MLLT1: variants seen among roughly 807,000 people sequenced by gnomAD.
MLLT1 encodes the protein protein ENL.
MLLT1 carries 11 observed loss-of-function variants against 55.1 expected under a neutral mutation model. The observed-to-expected ratio is 0.20, with a 90% CI of 0.13 to 0.33. MLLT1 has a LOEUF of 0.33. MLLT1 is among the 10% of genes least tolerant of loss of function. The pLI is 1.00. For missense variants in MLLT1, 536 were observed against 760.6 expected (o/e 0.70, Z 3.47); for synonymous variants, 323 against 320.1 (o/e 1.01, Z -0.10).
At chr19:6,215,121 G>C (rs1399005982) in intron 8 of MLLT1, among the ~76,000 whole-genome samples, 4 of 152,226 alleles carry the variant, frequency 2.6e-5, no homozygotes, top group Non-Finnish European at 5.9e-5. Context: ...CAGCAGACCA[G>C]GGTGTGCAGA....
chr19:6,241,612 G>A (rs118069413), intron 3 of MLLT1, among the ~76,000 whole-genome samples: 4,946 of 152,344 alleles, frequency 0.032, 115 homozygotes, highest in Non-Finnish European at 0.047. Flanking sequence ...TGGGGTGGCC[G>A]TGGCGGGCGC....
chr19:6,247,178 C>T (rs764836384), intron 3 of MLLT1, among the ~76,000 whole-genome samples: 46 of 152,058 alleles, frequency 3.0e-4, no homozygotes, highest in Non-Finnish European at 5.9e-4. Context: ...CAGAACTAAA[C>T]ACAGATGTAA....
intron 3 of MLLT1, among the ~76,000 whole-genome samples, chr19:6,246,382 C>T (rs2091168811): frequency 1.3e-5 from 2 of 152,230 alleles, no homozygotes; most frequent in Admixed American, 6.5e-5. Flanking sequence ...GGAAACAACA[C>T]AGACGTCCTT....
rs1467624335 is a variant in MLLT1 at position 6,212,487 on chromosome 19, T to A, written c.*555A>T. The A allele has an allele frequency of 9.4e-7, 1 of 1,066,542 alleles. No homozygotes were observed. Among genetic ancestry groups the A allele is most frequent in the South Asian group, 4.5e-5 (1 of 22,044 alleles). The allele number at this position is 1,066,542 out of a possible 1,614,324, so 66.1% of individuals were successfully genotyped here. ...CTCTTGACCAGACAGTGCACACACA[T>A]ATATAATAGAGAGAACTATACAGCA... On this transcript the variant is annotated 3_prime_UTR_variant, in exon 12 of 12. Coordinates refer to ENST00000252674, the MANE Select transcript of MLLT1 (RefSeq NM_005934.4).
At chr19:6,242,304 C>T (rs1266113148) in intron 3 of MLLT1, among the ~76,000 whole-genome samples, 1 of 152,170 alleles carries the variant, frequency 6.6e-6, no homozygotes, top group East Asian at 1.9e-4. Context: ...CTGCCTAGGG[C>T]CCCCCAACAC....
At chr19:6,234,641 C>A (rs1265548225) in intron 3 of MLLT1, among the ~76,000 whole-genome samples, 2 of 152,150 alleles carry the variant, frequency 1.3e-5, no homozygotes, top group African/African-American at 4.8e-5. Context: ...AGAGACCAAG[C>A]CTCCAGATTC....
At chr19:6,278,235 AGAG>A (rs1056140640) in intron 1 of MLLT1, among the ~76,000 whole-genome samples, 1 of 152,198 alleles carries the variant, frequency 6.6e-6, no homozygotes, top group Non-Finnish European at 1.5e-5. Context: ...CCAGGGCAGC[AGAG>A]GAGGAGGAAG....
rs75975430 is a variant in MLLT1 at position 6,240,238 on chromosome 19, A to G, written c.277-9525T>C. 0.066 allele frequency among the ~76,000 whole-genome samples: 10,019 copies of G among 152,250 alleles called. 573 individuals are homozygous for G. Among genetic ancestry groups the G allele is most frequent in the East Asian group, 0.15 (768 of 5,176 alleles). On this transcript the variant is annotated intron_variant, in intron 3 of 11. Transcript: ENST00000252674. The surrounding 1 kb of genome is among the most constrained non-coding windows in gnomAD (Gnocchi z 4.7). Reference sequence around the variant, plus strand: ...CCAGAGGCCCCGCCCCCTCCCACACATGTGCTCAGGGCCTGCAGCCCCATG... The same window carrying G: ...CCAGAGGCCCCGCCCCCTCCCACACGTGTGCTCAGGGCCTGCAGCCCCATG...
intron 3 of MLLT1, among the ~76,000 whole-genome samples, chr19:6,254,481 G>A (rs955476437): frequency 5.9e-5 from 9 of 152,224 alleles, no homozygotes; most frequent in Non-Finnish European, 1.2e-4. Context: ...TCTGGGACTC[G>A]CGACTGGCAT....
At position 6,270,570 on chromosome 19, in the gene MLLT1, G is replaced by A. The variant is rs769218164; in HGVS notation, c.193+9C>T. 3.7e-6 allele frequency: 6 copies of A among 1,605,798 alleles called. No individual in the cohort carries two copies. Among genetic ancestry groups the A allele is most frequent in the Non-Finnish European group, 5.1e-6 (6 of 1,175,916 alleles). ...GTGCTGTGGGCACTCAGGGCTTGAG[G>A]CCACTCACCGCGTCTGGGCTTGGGG... On this transcript the variant is annotated intron_variant, in intron 2 of 11. Transcript: ENST00000252674. The surrounding 1 kb of genome is among the most constrained non-coding windows in gnomAD (Gnocchi z 7.1).
In MLLT1 at chr19:6,211,458, G is replaced by T; in HGVS notation, c.*1584C>A. The stretch of plus-strand genomic sequence containing the variant: ...GAGGCATGGGTCCCCACCAAGGAGT[G>T]TTCAGGATCTGCTGACAGAATCAGA... On this transcript the variant is annotated 3_prime_UTR_variant, in exon 12 of 12. Coordinates refer to ENST00000252674, the MANE Select transcript of MLLT1 (RefSeq NM_005934.4). The surrounding 1 kb of genome is among the most constrained non-coding windows in gnomAD (Gnocchi z 4.6). 2.8e-6 allele frequency: 1 copy of T among 362,560 alleles called. No homozygotes were observed. Among genetic ancestry groups the T allele is most frequent in the Non-Finnish European group, 4.2e-6 (1 of 236,466 alleles). The allele number at this position is 362,560 out of a possible 1,614,324, so 22.5% of individuals were successfully genotyped here. A position where few individuals can be genotyped will look rare whatever the true frequency, so the allele number is the denominator to read the frequency against.
At chr19:6,265,053 A>AAC (rs2091337426) in intron 2 of MLLT1, among the ~76,000 whole-genome samples, 1 of 31,948 alleles carries the variant, frequency 3.1e-5, no homozygotes, top group Non-Finnish European at 1.1e-4. Context: ...AAAAAACAAA[A>AAC]AAACAAAAAA....
chr19:6,273,154 C>T lies in MLLT1; in HGVS notation c.13-2395G>A, dbSNP rs1021363389. On this transcript the variant is annotated intron_variant, in intron 1 of 11. Transcript: ENST00000252674. The surrounding 1 kb of genome is among the most constrained non-coding windows in gnomAD (Gnocchi z 4.3). The stretch of plus-strand genomic sequence containing the variant: ...ATAAGTGGCTGACAGATATGGGAAA[C>T]GGTCTCGGAGTCAAAAGCCCCCGGC... 1.3e-5 allele frequency among the ~76,000 whole-genome samples: 2 copies of T among 151,960 alleles called. No homozygotes were observed. The highest frequency in any genetic ancestry group is 2.9e-5 in the Non-Finnish European group (2 of 67,994).
intron 3 of MLLT1, among the ~76,000 whole-genome samples, chr19:6,242,110 T>C (rs996747709): frequency 1.3e-5 from 2 of 152,114 alleles, no homozygotes; most frequent in Admixed American, 6.5e-5. Context: ...GCTCCCTGCC[T>C]CCCAGCCTCC....
In MLLT1 at chr19:6,262,931, C is replaced by T. The variant is rs2091317539; in HGVS notation, c.194-621G>A. On this transcript the variant is annotated intron_variant, in intron 2 of 11. Coordinates refer to ENST00000252674, the MANE Select transcript of MLLT1 (RefSeq NM_005934.4). This position sits in a 1 kb window ranked among gnomAD's most constrained non-coding sequence, Gnocchi z 4.4. Reference sequence around the variant, plus strand: ...GGACACGGTGGCTCACACCTGTAATCCCAGCACTTTGGGAGGCCAAGGCAG... The same window carrying T: ...GGACACGGTGGCTCACACCTGTAATTCCAGCACTTTGGGAGGCCAAGGCAG... 6.6e-6 allele frequency: 1 copy of T among 152,204 alleles called. No homozygotes were observed. The highest frequency in any genetic ancestry group is 6.5e-5 in the Admixed American group (1 of 15,282). 9.4% of individuals were successfully genotyped at this position (152,204 alleles called of 1,614,324 possible). A position where few individuals can be genotyped will look rare whatever the true frequency, so the allele number is the denominator to read the frequency against.
At chr19:6,237,772 A>AAG (rs1373815444) in intron 3 of MLLT1, among the ~76,000 whole-genome samples, 1 of 151,468 alleles carries the variant, frequency 6.6e-6, no homozygotes, top group African/African-American at 2.4e-5. Context: ...TCAAAAAAAA[A>AAG]AAAAAAAAAA....
rs73920606 is a variant in MLLT1, at chr19:6,227,289, T to G, written c.421-187A>C. Among the ~76,000 whole-genome samples the G allele has an allele frequency of 6.6e-6, 1 of 151,846 alleles. No homozygotes were observed. The highest frequency in any genetic ancestry group is 2.4e-5 in the African/African-American group (1 of 41,300). The stretch of plus-strand genomic sequence containing the variant: ...GCTGAGCACGCAGAAGAAGCAGGCA[T>G]GGGTGGGGAGCGAAGAAAAGCCCAG... On this transcript the variant is annotated intron_variant, in intron 4 of 11. Coordinates refer to ENST00000252674, the MANE Select transcript of MLLT1 (RefSeq NM_005934.4). This position sits in a 1 kb window ranked among gnomAD's most constrained non-coding sequence, Gnocchi z 5.1.
chr19:6,224,300 G>A (rs1176316817), intron 5 of MLLT1, among the ~76,000 whole-genome samples: 2 of 152,260 alleles, frequency 1.3e-5, no homozygotes, highest in African/African-American at 4.8e-5. Flanking sequence ...TCTTCCACCT[G>A]GGACAGCGGG....
chr19:6,265,057 C>CAAAAAA (rs1206210263), intron 2 of MLLT1, among the ~76,000 whole-genome samples: 2 of 32,600 alleles, frequency 6.1e-5, no homozygotes, highest in South Asian at 1.3e-3. Context: ...AACAAAAAAA[C>CAAAAAA]AAAAAAACAA....
Sources: allele counts gnomAD v4.1 joint callset (sites outside exome capture counted in the v4.1 genomes callset), GRCh38; gene constraint gnomAD v4.1.1; non-coding constraint Gnocchi (gnomAD v3.1); transcripts MANE v1.5; gene names NCBI Gene and HGNC (gene_info 2026-07-23, HGNC 2026-07-21).